Variants in CPEB4 observed in about 807,000 individuals in gnomAD.
CPEB4 encodes the protein cytoplasmic polyadenylation element-binding protein 4.
CPEB4 carries 12 observed loss-of-function variants against 72.5 expected under a neutral mutation model. The ratio of observed to expected loss-of-function variants is 0.17; its 90% confidence interval spans 0.11 to 0.27. The LOEUF (loss-of-function observed/expected upper bound fraction) is 0.27, where lower values mean the gene tolerates loss of function less well. Ranked by LOEUF, CPEB4 falls within the 10% of genes least tolerant of loss-of-function variation. CPEB4 has a pLI of 1.00. For synonymous variants in CPEB4, 302 were observed against 326.3 expected, an observed-to-expected ratio of 0.93 and a Z score of 0.80; for missense variants, 614 against 908.5, an observed-to-expected ratio of 0.68 and a Z score of 4.17.
chr5:173,930,419 T>C, intron 2 of CPEB4, among the ~76,000 whole-genome samples: 1 of 152,174 alleles, frequency 6.6e-6, no homozygotes, highest in Admixed American at 6.5e-5. Flanking sequence ...TCTATCCTTT[T>C]AAAAATACAT....
At chr5:173,941,298 A>G (rs910923464) in intron 3 of CPEB4, among the ~76,000 whole-genome samples, 1 of 152,202 alleles carries the variant, frequency 6.6e-6, no homozygotes, top group African/African-American at 2.4e-5. Flanking sequence ...TAAGTCAGAA[A>G]ATACCTACCC....
chr5:173,892,011 C>T (rs937436801), intron 1 of CPEB4, among the ~76,000 whole-genome samples: 1 of 151,550 alleles, frequency 6.6e-6, no homozygotes, highest in Non-Finnish European at 1.5e-5. Context: ...AATATGTATA[C>T]ATACATGTGT....
chr5:173,892,700 A>T (rs1347129233), intron 1 of CPEB4, among the ~76,000 whole-genome samples: 1 of 152,226 alleles, frequency 6.6e-6, no homozygotes, highest in Non-Finnish European at 1.5e-5. Context: ...AAAAGTTCAG[A>T]CAATGAATAA....
chr5:173,937,416 C>A (rs764665633), intron 3 of CPEB4, among the ~76,000 whole-genome samples: 6 of 152,016 alleles, frequency 3.9e-5, no homozygotes, highest in Admixed American at 1.3e-4. Context: ...AGAAATCTAT[C>A]AAAAAGGAAG....
chr5:173,937,249 G>C (rs558848809), intron 3 of CPEB4, among the ~76,000 whole-genome samples: 1 of 152,066 alleles, frequency 6.6e-6, no homozygotes, highest in South Asian at 2.1e-4. Flanking sequence ...TACAATGTTG[G>C]CCAGGCTGGT....
rs1758438064 is a variant in CPEB4 at position 173,958,160 on chromosome 5, T to A, written c.*2023T>A. On this transcript the variant is annotated 3_prime_UTR_variant, in exon 10 of 10. Transcript: ENST00000265085. ...TGAGTTAACAAGAAATAACACTGTT[T>A]GAGAACTAGCTTTGAATAATAATTT... The A allele has an allele frequency of 6.5e-6, 1 of 152,792 alleles. No individual in the cohort carries two copies. The highest frequency in any genetic ancestry group is 6.5e-5 in the Admixed American group (1 of 15,282). The allele number at this position is 152,792 out of a possible 1,614,324, so 9.5% of individuals were successfully genotyped here.
chr5:173,921,843 A>G (rs558966463), intron 2 of CPEB4, among the ~76,000 whole-genome samples: 100 of 152,342 alleles, frequency 6.6e-4, no homozygotes, highest in African/African-American at 2.3e-3. Flanking sequence ...GTAGACCTGG[A>G]CATTCTGTAT....
intron 2 of CPEB4, among the ~76,000 whole-genome samples, chr5:173,929,763 T>C (rs1030927266): frequency 9.2e-5 from 14 of 152,210 alleles, no homozygotes; most frequent in Non-Finnish European, 1.6e-4. Context: ...ATGGTTCATA[T>C]AGAACAGCCT....
At chr5:173,919,367 T>A (rs542273421) in intron 2 of CPEB4, among the ~76,000 whole-genome samples, 4 of 152,176 alleles carry the variant, frequency 2.6e-5, no homozygotes, top group Non-Finnish European at 5.9e-5. Flanking sequence ...TGTCCACAGT[T>A]TGTCAATGAT....
At position 173,955,854 on chromosome 5, in the gene CPEB4, G is replaced by C. The variant is rs1442240241; in HGVS notation, c.1963-56G>C. ...ATAGTGGGTGGAAATGTACATGTAT[G>C]GTAAGCATTGCTGGCCTAGTCACTG... On this transcript the variant is annotated intron_variant, in intron 9 of 9. Coordinates refer to ENST00000265085, the MANE Select transcript of CPEB4 (RefSeq NM_030627.4). The surrounding 1 kb of genome is among the most constrained non-coding windows in gnomAD (Gnocchi z 4.7). The C allele has an allele frequency of 1.5e-6, 2 of 1,374,674 alleles. No individual in the cohort carries two copies. Among genetic ancestry groups the C allele is most frequent in the Admixed American group, 1.8e-5 (1 of 56,842 alleles). 85.2% of individuals were successfully genotyped at this position (1,374,674 alleles called of 1,614,324 possible).
At chr5:173,949,907 G>A in intron 6 of CPEB4, 53 bp from the exon 7 acceptor site, 1 of 1,254,858 alleles carries the variant, frequency 8.0e-7, no homozygotes, top group Non-Finnish European at 1.2e-6. Flanking sequence ...TTCCCCTGAA[G>A]AATTACCAAA....
chr5:173,894,654 T>A (rs1177687094), intron 1 of CPEB4, among the ~76,000 whole-genome samples: 1 of 151,558 alleles, frequency 6.6e-6, no homozygotes, highest in Non-Finnish European at 1.5e-5. Context: ...ACATGCCTCC[T>A]GTGTTCTAAA....
chr5:173,933,784 C>G (rs1757525141), intron 3 of CPEB4, among the ~76,000 whole-genome samples: 1 of 152,142 alleles, frequency 6.6e-6, no homozygotes, highest in Admixed American at 6.5e-5. Context: ...TCTTCTTTGT[C>G]CCAGTTTCCT....
chr5:173,919,952 A>C (rs1327122822), intron 2 of CPEB4, among the ~76,000 whole-genome samples: 1 of 152,210 alleles, frequency 6.6e-6, no homozygotes, highest in Non-Finnish European at 1.5e-5. Context: ...AGGAGGAGAG[A>C]GAAAATTCTC....
intron 1 of CPEB4, among the ~76,000 whole-genome samples, chr5:173,905,435 A>T (rs1427651274): frequency 6.6e-6 from 1 of 151,872 alleles, no homozygotes; most frequent in Non-Finnish European, 1.5e-5. Context: ...CCAGGTTCAA[A>T]CGATTCTCCT....
rs1756693547 is a variant in CPEB4, at chr5:173,912,353, T to C, written c.1207+1749T>C. 2.0e-5 allele frequency among the ~76,000 whole-genome samples: 3 copies of C among 152,176 alleles called. No individual in the cohort carries two copies. In the South Asian group the frequency reaches 6.2e-4, roughly 31 times the overall value. ...GAAAAATATGAATAAGGTCTGTGGG[T>C]TGTACCAATGTCAATTTCCTGGTTT... On this transcript the variant is annotated intron_variant, in intron 2 of 9. Coordinates refer to ENST00000265085, the MANE Select transcript of CPEB4 (RefSeq NM_030627.4).
At chr5:173,940,365 A>G (rs1292627816) in intron 3 of CPEB4, among the ~76,000 whole-genome samples, 1 of 152,200 alleles carries the variant, frequency 6.6e-6, no homozygotes, top group East Asian at 1.9e-4. Flanking sequence ...TTCCTCGGAT[A>G]TTTGAGAAAC....
Position 173,945,065 on chromosome 5 carries a change from C to A in CPEB4, c.1381C>A (p.His461Asn). The change falls in exon 5 of 10, where the codon CAC (histidine) becomes AAC (asparagine). Residue 461 changes from histidine (H) to asparagine (N), a missense_variant. Around this residue, in one of 5 missense-constraint regions of CPEB4, gnomAD observed 458 missense variants for 548.6 expected, o/e 0.83. Coordinates refer to ENST00000265085, the MANE Select transcript of CPEB4 (RefSeq NM_030627.4). ...SGLGSPHCFSHQNGERVERYS... is the reference protein window; with the variant it reads ...SGLGSPHCFSNQNGERVERYS... ...CCTGGGTTCACCTCACTGCTTCAGT[C>A]ACCAGAATGGGGAAAGAGTGGAACG... 6.2e-7 allele frequency: 1 copy of A among 1,613,966 alleles called. No individual in the cohort carries two copies. Among genetic ancestry groups the A allele is most frequent in the Admixed American group, 1.7e-5 (1 of 60,006 alleles).
intron 2 of CPEB4, among the ~76,000 whole-genome samples, chr5:173,927,960 T>C (rs540734726): frequency 6.6e-6 from 1 of 152,294 alleles, no homozygotes; most frequent in South Asian, 2.1e-4. Flanking sequence ...TGGACTATTA[T>C]TAAGCACTAA....
Sources: allele counts gnomAD v4.1 joint callset (sites outside exome capture counted in the v4.1 genomes callset), GRCh38; gene constraint gnomAD v4.1.1; regional missense constraint gnomAD v4.1.1; non-coding constraint Gnocchi (gnomAD v3.1); transcripts MANE v1.5; gene names NCBI Gene and HGNC (gene_info 2026-07-23, HGNC 2026-07-21).